ACOT12: variants seen among roughly 807,000 people sequenced by gnomAD.
ACOT12 encodes the protein acetyl-coenzyme A thioesterase.
ACOT12 carries 51 observed loss-of-function variants against 67.7 expected under a neutral mutation model. That is an observed-to-expected ratio of 0.75 (90% CI 0.60 to 0.95). ACOT12 has a LOEUF of 0.95. Ranked by LOEUF, ACOT12 falls within the 40% of genes least tolerant of loss-of-function variation. The pLI is 0.00. For missense variants in ACOT12, 734 were observed against 708.1 expected (o/e 1.04, Z -0.41); for synonymous variants, 251 against 244.6 (o/e 1.03, Z -0.24).
intron 1 of ACOT12, among the ~76,000 whole-genome samples, chr5:81,388,119 A>G (rs1370248060): frequency 6.6e-6 from 1 of 152,206 alleles, no homozygotes; most frequent in Non-Finnish European, 1.5e-5. Context: ...AGGCTTAGAA[A>G]GATTAAATGC....
At chr5:81,343,149 TG>T (rs1450491841) in intron 10 of ACOT12, among the ~76,000 whole-genome samples, 1 of 150,956 alleles carries the variant, frequency 6.6e-6, no homozygotes, top group Non-Finnish European at 1.5e-5. Flanking sequence ...ATTGCGCCAC[TG>T]CACTCCAGCC....
At chr5:81,332,773 G>A (rs908632917) in intron 12 of ACOT12, among the ~76,000 whole-genome samples, 168 bp from the exon 13 acceptor site, 12 of 152,158 alleles carry the variant, frequency 7.9e-5, no homozygotes, top group Admixed American at 7.9e-4. Context: ...CTTTAGAAGA[G>A]CTCTTTGAGG....
intron 3 of ACOT12, 120 bp downstream of exon 3, chr5:81,371,630 G>A: frequency 1.0e-6 from 1 of 971,774 alleles, no homozygotes; most frequent in Non-Finnish European, 1.6e-6. Flanking sequence ...ACATTCCAGA[G>A]CCTTCTGAAA....
At chr5:81,378,262 T>C (rs910931996) in intron 2 of ACOT12, among the ~76,000 whole-genome samples, 3 of 152,006 alleles carry the variant, frequency 2.0e-5, no homozygotes, top group Non-Finnish European at 2.9e-5. Context: ...ATAAATGGCG[T>C]TAGGAAAACT....
At chr5:81,317,005 C>G in the ACOT12 span, among the ~76,000 whole-genome samples, 5 of 152,186 alleles carry the variant, frequency 3.3e-5, no homozygotes, top group African/African-American at 1.2e-4. Flanking sequence ...TGTGGTTTGT[C>G]TTTTGACTTT....
chr5:81,330,550 C>CA lies in ACOT12; in HGVS notation c.1519-8dup. 1 of 1,610,926 alleles carries CA rather than the reference C, an allele frequency of 6.2e-7. No individual in the cohort carries two copies. Among genetic ancestry groups the CA allele is most frequent in the Non-Finnish European group, 8.5e-7 (1 of 1,179,024 alleles). On this transcript the variant is annotated splice_region_variant and splice_polypyrimidine_tract_variant and intron_variant, in intron 14 of 14. Transcript: ENST00000307624. ...TATGGTTAAAGTAAGATACCTGTTT[C>CA]AAAAAGAAAGTACAATATTTTAATT... is the stretch of plus-strand genomic sequence containing the variant.
At chr5:81,340,347 ATTGT>A (rs1379507011) in intron 11 of ACOT12, among the ~76,000 whole-genome samples, 2 of 147,498 alleles carry the variant, frequency 1.4e-5, no homozygotes, top group Non-Finnish European at 3.0e-5. Flanking sequence ...AGAAAGTATG[ATTGT>A]TTGTTGTTTT....
chr5:81,353,923 A>G lies in ACOT12; in HGVS notation c.496+5980T>C, dbSNP rs115968703. Among the ~76,000 whole-genome samples, 321 of 152,358 alleles carry G rather than the reference A, an allele frequency of 2.1e-3. 3 individuals are homozygous for G. Among genetic ancestry groups the G allele is most frequent in the African/African-American group, 7.4e-3 (307 of 41,580 alleles). On this transcript the variant is annotated intron_variant, in intron 5 of 14. Coordinates refer to ENST00000307624, the MANE Select transcript of ACOT12 (RefSeq NM_130767.3). Reference sequence around the variant, plus strand: ...TGGGTTGGTTCTCTTCTTTTAGAACACACAATGTCCTATCAAAAACCAACT... The same window carrying G: ...TGGGTTGGTTCTCTTCTTTTAGAACGCACAATGTCCTATCAAAAACCAACT...
chr5:81,385,736 C>T, intron 2 of ACOT12, 21 bp downstream of exon 2: 2 of 1,612,672 alleles, frequency 1.2e-6, no homozygotes, highest in Non-Finnish European at 1.7e-6. Context: ...GAGAAAGGAG[C>T]CATGGAGCAA....
chr5:81,345,754 G>T, intron 7 of ACOT12, 131 bp downstream of exon 7: 1 of 1,226,924 alleles, frequency 8.2e-7, no homozygotes. Flanking sequence ...ATATGTTCAT[G>T]GATTTTGAAA....
intron 3 of ACOT12, 136 bp downstream of exon 3, chr5:81,371,614 G>A: frequency 1.2e-6 from 1 of 831,246 alleles, no homozygotes; most frequent in South Asian, 1.7e-5. Flanking sequence ...CCTGTGACCT[G>A]ACTACACATT....
At chr5:81,341,362 C>T (rs1759186473) in intron 11 of ACOT12, among the ~76,000 whole-genome samples, 1 of 152,118 alleles carries the variant, frequency 6.6e-6, no homozygotes, top group South Asian at 2.1e-4. Context: ...AAGTCAAAGT[C>T]AGAGTTGAAA....
intron 11 of ACOT12, among the ~76,000 whole-genome samples, chr5:81,336,853 A>T (rs1364914260): frequency 6.6e-6 from 1 of 152,210 alleles, no homozygotes; most frequent in Non-Finnish European, 1.5e-5. Context: ...TTTAAACATA[A>T]ATATCATCAA....
rs374522724 is a variant in ACOT12 at position 81,330,536 on chromosome 5, T to C, written c.1526A>G (p.Tyr509Cys). The C allele has an allele frequency of 1.9e-6, 3 of 1,612,208 alleles. No homozygotes were observed. The highest frequency in any genetic ancestry group is 2.5e-6 in the Non-Finnish European group (3 of 1,179,542). ...GATGCTAGCAGACATATGGTTAAAG[T>C]AAGATACCTGTTTCAAAAAGAAAGT... Reference protein sequence around the residue: ...AIDSNSCIVSYFNHMSASILP... With the variant: ...AIDSNSCIVSCFNHMSASILP... The change falls in exon 15 of 15, where the codon TAC becomes TGC. Residue 509 changes from tyrosine to cysteine, a missense_variant. Transcript: ENST00000307624.
chr5:81,309,432 A>G, the ACOT12 span, among the ~76,000 whole-genome samples: 10 of 152,298 alleles, frequency 6.6e-5, no homozygotes, highest in African/African-American at 2.2e-4. Context: ...ATGATTCAAT[A>G]TTGTAGTAAT....
At chr5:81,308,909 G>A in the ACOT12 span, 2 of 1,551,800 alleles carry the variant, frequency 1.3e-6, no homozygotes, top group Non-Finnish European at 1.8e-6. Flanking sequence ...CTTGCCATAT[G>A]TATTGTCAAC....
the ACOT12 span, among the ~76,000 whole-genome samples, chr5:81,322,065 A>G: frequency 1.3e-5 from 2 of 152,256 alleles, no homozygotes; most frequent in African/African-American, 2.4e-5. Context: ...CATTGAGGAC[A>G]GAATGAGAAG....
At chr5:81,311,696 T>A in the ACOT12 span, among the ~76,000 whole-genome samples, 2 of 152,152 alleles carry the variant, frequency 1.3e-5, no homozygotes, top group Non-Finnish European at 1.5e-5. Context: ...AGATTCAGAG[T>A]TGATTGCAGA....
chr5:81,364,992 T>C (rs370735892), intron 3 of ACOT12, among the ~76,000 whole-genome samples: 116 of 152,246 alleles, frequency 7.6e-4, no homozygotes, highest in African/African-American at 2.6e-3. Context: ...GATTAATTTT[T>C]CAGGAGTAAT....
Sources: gnomAD v4.1 joint callset for allele counts (sites outside exome capture counted in the v4.1 genomes callset) on GRCh38, gnomAD v4.1.1 for gene constraint, MANE v1.5 for transcripts, NCBI Gene and HGNC (gene_info 2026-07-23, HGNC 2026-07-21) for gene names.